The following LARGE1 variants were observed in gnomAD, a reference collection of about 807,000 sequenced individuals.
LARGE1 encodes LARGE xylosyl- and glucuronyltransferase 1.
LARGE1 carries 43 observed loss-of-function variants against 87.6 expected under a neutral mutation model. The observed-to-expected ratio is 0.49, with a 90% CI of 0.38 to 0.63. The LOEUF is 0.63. LARGE1 is among the 30% of genes least tolerant of loss of function. The pLI is 0.00. For synonymous variants in LARGE1, 434 were observed against 394.6 expected (o/e 1.10, Z -1.18); for missense variants, 802 against 1,000.2 (o/e 0.80, Z 2.67).
At chr22:33,810,419 A>G (rs1569455067) in intron 1 of LARGE1, among the ~76,000 whole-genome samples, 2 of 152,186 alleles carry the variant, frequency 1.3e-5, no homozygotes, top group African/African-American at 4.8e-5. Context: ...CATGAATCCA[A>G]GATTCTACCA....
intron 1 of LARGE1, among the ~76,000 whole-genome samples, chr22:33,879,961 AC>A (rs1252755861): frequency 6.6e-6 from 1 of 152,072 alleles, no homozygotes; most frequent in African/African-American, 2.4e-5. Flanking sequence ...CTTTTTCCCA[AC>A]CTGCTTCACT....
chr22:33,712,243 G>A (rs536504315), intron 2 of LARGE1, among the ~76,000 whole-genome samples: 3 of 152,284 alleles, frequency 2.0e-5, no homozygotes, highest in South Asian at 2.1e-4. Context: ...AATCCTACCC[G>A]GACAGGGAAG....
intron 10 of LARGE1, among the ~76,000 whole-genome samples, chr22:33,334,872 C>A (rs1938245909): frequency 6.6e-6 from 1 of 152,242 alleles, no homozygotes; most frequent in African/African-American, 2.4e-5. Flanking sequence ...GGCCAGCATT[C>A]ACGCATTCTT....
chr22:33,551,771 A>G (rs2077527182), intron 6 of LARGE1, among the ~76,000 whole-genome samples: 1 of 152,048 alleles, frequency 6.6e-6, no homozygotes, highest in Non-Finnish European at 1.5e-5. Context: ...CTGCAATCAA[A>G]ATCTCTTGAA....
intron 4 of LARGE1, among the ~76,000 whole-genome samples, chr22:33,623,154 TA>T (rs2079809443): frequency 6.6e-6 from 1 of 151,238 alleles, no homozygotes; most frequent in Non-Finnish European, 1.5e-5. Flanking sequence ...TTTTTTTTTT[TA>T]AACCAGGGAG....
At chr22:33,580,157 G>T (rs1274265768) in intron 5 of LARGE1, among the ~76,000 whole-genome samples, 6 of 151,960 alleles carry the variant, frequency 3.9e-5, no homozygotes, top group African/African-American at 1.4e-4. Flanking sequence ...GATCACCTGA[G>T]CTCGGGAGTT....
At chr22:33,466,693 T>TCCACACAC (rs1555925562) in intron 6 of LARGE1, among the ~76,000 whole-genome samples, 1 of 145,246 alleles carries the variant, frequency 6.9e-6, no homozygotes, top group African/African-American at 2.6e-5. Context: ...TCTCTCTCTC[T>TCCACACAC]ACACACACAC....
intron 6 of LARGE1, among the ~76,000 whole-genome samples, chr22:33,492,770 A>C (rs888483936): frequency 6.6e-6 from 1 of 152,188 alleles, no homozygotes; most frequent in Admixed American, 6.5e-5. Flanking sequence ...TTGTGTGCTA[A>C]CTGAAAACAA....
At chr22:33,372,631 A>G (rs2064852930) in intron 9 of LARGE1, among the ~76,000 whole-genome samples, 1 of 152,190 alleles carries the variant, frequency 6.6e-6, no homozygotes, top group Admixed American at 6.5e-5. Flanking sequence ...CCATGATTCA[A>G]TTATTTCCAC....
chr22:33,769,389 C>A (rs534186061), intron 1 of LARGE1, among the ~76,000 whole-genome samples: 1 of 152,304 alleles, frequency 6.6e-6, no homozygotes, highest in East Asian at 1.9e-4. Flanking sequence ...CCCTATCAGA[C>A]CATCAGTGTC....
chr22:33,105,157 C>T, the LARGE1 span, among the ~76,000 whole-genome samples: 1 of 146,944 alleles, frequency 6.8e-6, no homozygotes, highest in African/African-American at 2.4e-5. Flanking sequence ...GCCACCAAGC[C>T]CCGCTATTTT....
chr22:33,891,812 A>C (rs1321043068), intron 1 of LARGE1, among the ~76,000 whole-genome samples: 2 of 152,256 alleles, frequency 1.3e-5, no homozygotes, highest in African/African-American at 2.4e-5. Context: ...CATCAAAAGC[A>C]AAGTCATTAG....
At chr22:33,264,655 T>C (rs1927825374) in intron 11 of LARGE1, among the ~76,000 whole-genome samples, 1 of 152,032 alleles carries the variant, frequency 6.6e-6, no homozygotes, top group South Asian at 2.1e-4. Context: ...TGAGACTTCA[T>C]ATCAAAACAA....
chr22:33,799,174 T>C (rs1224214138), intron 1 of LARGE1, among the ~76,000 whole-genome samples: 1 of 152,080 alleles, frequency 6.6e-6, no homozygotes, highest in Non-Finnish European at 1.5e-5. Flanking sequence ...CAAAATGTTC[T>C]CAGTGGTGGA....
At chr22:33,278,625 G>A (rs1217927636) in intron 13 of LARGE1, among the ~76,000 whole-genome samples, 1 of 151,804 alleles carries the variant, frequency 6.6e-6, no homozygotes, top group Non-Finnish European at 1.5e-5. Flanking sequence ...CTTACCAAAT[G>A]TCAAAGTACA....
At chr22:33,700,942 T>C (rs1326400690) in intron 2 of LARGE1, among the ~76,000 whole-genome samples, 1 of 152,034 alleles carries the variant, frequency 6.6e-6, no homozygotes, top group Non-Finnish European at 1.5e-5. Context: ...TGGTCTGAGG[T>C]GAGCAGCTGG....
intron 7 of LARGE1, among the ~76,000 whole-genome samples, chr22:33,385,712 A>G (rs1315158832): frequency 6.8e-6 from 1 of 148,060 alleles, no homozygotes; most frequent in Non-Finnish European, 1.5e-5. Flanking sequence ...CACGGAACAC[A>G]AAAAGCCGAG....
rs114455417 is a variant in LARGE1, at chr22:33,904,649, C to T, written c.-83+15346G>A. ...GTGACGCTGTTCGAGGACTTAGATCCAGCCCTGCCTGACGCTGCCCTCGGG... is the reference window on the plus strand; with the variant it reads ...GTGACGCTGTTCGAGGACTTAGATCTAGCCCTGCCTGACGCTGCCCTCGGG... On this transcript the variant is annotated intron_variant, in intron 1 of 14. Coordinates refer to ENST00000397394, the MANE Select transcript of LARGE1 (RefSeq NM_133642.5). Among the ~76,000 whole-genome samples, 297 of 152,278 alleles carry T rather than the reference C, an allele frequency of 2.0e-3. 1 individual carries two copies. The highest frequency in any genetic ancestry group is 7.0e-3 in the African/African-American group (289 of 41,560).
intron 1 of LARGE1, among the ~76,000 whole-genome samples, chr22:33,772,954 A>T (rs1407060777): frequency 6.6e-6 from 1 of 152,206 alleles, no homozygotes; most frequent in Non-Finnish European, 1.5e-5. Context: ...AAGGTCCAGC[A>T]ACTAGCTGTC....
Sources: gnomAD v4.1 joint callset for allele counts (sites outside exome capture counted in the v4.1 genomes callset) on GRCh38, gnomAD v4.1.1 for gene constraint, MANE v1.5 for transcripts, NCBI Gene and HGNC (gene_info 2026-07-23, HGNC 2026-07-21) for gene names.